The following IL5RA variants were observed in gnomAD, a reference collection of about 807,000 sequenced individuals.
The protein encoded by IL5RA is interleukin 5 receptor subunit alpha.
IL5RA carries 49 observed loss-of-function variants against 50.0 expected under a neutral mutation model. The ratio of observed to expected loss-of-function variants is 0.98; its 90% CI spans 0.78 to 1.24. IL5RA has a LOEUF of 1.24. IL5RA is among the 50% of genes most tolerant of loss of function. The probability of loss-of-function intolerance (pLI) is 0.00; values close to 1 mark genes in which losing one functional copy is unlikely to be tolerated. For missense variants in IL5RA, 600 were observed against 500.4 expected (o/e 1.20, Z -1.90); for synonymous variants, 202 against 174.0 (o/e 1.16, Z -1.26).
In IL5RA at chr3:3,068,817, C is replaced by T. The variant is rs1304432932; in HGVS notation, c.*1408G>A. 1 of 152,140 alleles carries T rather than the reference C, an allele frequency of 6.6e-6. No homozygotes were observed. Among genetic ancestry groups the T allele is most frequent in the East Asian group, 1.9e-4 (1 of 5,182 alleles). The allele number at this position is 152,140 out of a possible 1,614,324, so 9.4% of individuals were successfully genotyped here. A position where few individuals can be genotyped will look rare whatever the true frequency, so the allele number is the denominator to read the frequency against. On this transcript the variant is annotated 3_prime_UTR_variant, in exon 12 of 12. Coordinates refer to ENST00000446632, the MANE Select transcript of IL5RA (RefSeq NM_175726.4). ...TCACTATGCCATTTCCTATCAACTT[C>T]TCTGAACCTTAGTAACTGCAACTAT...
chr3:3,101,047 C>T (rs1019954116), intron 5 of IL5RA, among the ~76,000 whole-genome samples: 6 of 150,660 alleles, frequency 4.0e-5, no homozygotes, highest in African/African-American at 9.7e-5. Flanking sequence ...AGCATGGAGG[C>T]GCATGCCTAT....
At position 3,104,918 on chromosome 3, in the gene IL5RA, G is replaced by A; in HGVS notation, c.67C>T (p.Leu23Phe). The A allele has an allele frequency of 1.2e-6, 2 of 1,607,828 alleles. No homozygotes were observed. Among genetic ancestry groups the A allele is most frequent in the Non-Finnish European group, 8.5e-7 (1 of 1,174,462 alleles). ...AGGTCCTTACTCTTTTCATCAGGAA[G>A]TAAGTCAGCTTGCAGTATCTCAGTG... ...GATEILQADL[L>F]PDEKISLLPP... Residue 23 changes from leucine to phenylalanine, a missense_variant, in exon 3 of 12, where the codon CTT becomes TTT. Coordinates refer to ENST00000446632, the MANE Select transcript of IL5RA (RefSeq NM_175726.4).
intron 9 of IL5RA, among the ~76,000 whole-genome samples, chr3:3,086,598 T>A (rs368448889): frequency 1.3e-5 from 2 of 152,038 alleles, no homozygotes; most frequent in African/African-American, 4.8e-5. Context: ...CTCAGGAGGC[T>A]AAGGCAGGAG....
intron 9 of IL5RA, among the ~76,000 whole-genome samples, chr3:3,078,731 GGCTGAGGCAGGACAATT>G (rs1702567095): frequency 6.6e-6 from 1 of 152,058 alleles, no homozygotes; most frequent in Non-Finnish European, 1.5e-5. Flanking sequence ...CTACTCAGGA[GGCTGAGGCAGGACAATT>G]GCTTGAACCT....
chr3:3,072,200 G>A (rs998040281), intron 11 of IL5RA, among the ~76,000 whole-genome samples: 2 of 152,208 alleles, frequency 1.3e-5, no homozygotes, highest in African/African-American at 2.4e-5. Context: ...CTCTGCACTG[G>A]CTCTCATCCC....
At chr3:3,072,540 T>C (rs1702337904) in intron 11 of IL5RA, among the ~76,000 whole-genome samples, 1 of 152,200 alleles carries the variant, frequency 6.6e-6, no homozygotes, top group South Asian at 2.1e-4. Context: ...TTAAAGGAAA[T>C]CTTTTGGGGC....
rs759601061 is a variant in IL5RA at position 3,071,326 on chromosome 3, A to T, written c.1177-1015T>A. 5.9e-5 allele frequency among the ~76,000 whole-genome samples: 9 copies of T among 152,298 alleles called. No individual in the cohort carries two copies. In the South Asian group the frequency reaches 1.7e-3, roughly 28 times the overall value. On this transcript the variant is annotated intron_variant, in intron 11 of 11. Transcript: ENST00000446632. Reference sequence around the variant, plus strand: ...CAAGGAACAGCTGGAAACCAGTCTCATAAATTGAAAGCTCAGGCCAGGTGG... The same window carrying T: ...CAAGGAACAGCTGGAAACCAGTCTCTTAAATTGAAAGCTCAGGCCAGGTGG...
At chr3:3,071,355 G>A (rs1221468146) in intron 11 of IL5RA, among the ~76,000 whole-genome samples, 5 of 152,188 alleles carry the variant, frequency 3.3e-5, no homozygotes, top group Non-Finnish European at 5.9e-5. Context: ...CAGGTGGCGT[G>A]GCTCATGCCT....
intron 9 of IL5RA, chr3:3,090,260 G>A (rs769346575): frequency 6.3e-7 from 1 of 1,580,514 alleles, no homozygotes; most frequent in Non-Finnish European, 8.6e-7. Flanking sequence ...GAGAACCCTA[G>A]GAAACAGAGA....
intron 8 of IL5RA, among the ~76,000 whole-genome samples, chr3:3,093,799 C>G (rs1280497673): frequency 1.3e-5 from 2 of 152,212 alleles, no homozygotes; most frequent in African/African-American, 2.4e-5. Flanking sequence ...CAGAAACAGT[C>G]TTATTTCTCA....
chr3:3,097,084 G>A (rs1487161700), intron 7 of IL5RA, among the ~76,000 whole-genome samples: 1 of 152,134 alleles, frequency 6.6e-6, no homozygotes, highest in Non-Finnish European at 1.5e-5. Context: ...ATTGAAATCT[G>A]GAATCTCCAT....
At chr3:3,098,797 C>T (rs1045933964) in intron 5 of IL5RA, among the ~76,000 whole-genome samples, 7 of 152,138 alleles carry the variant, frequency 4.6e-5, no homozygotes, top group Admixed American at 6.5e-5. Context: ...TTCTGATATT[C>T]GAGAGCTTCC....
intron 9 of IL5RA, among the ~76,000 whole-genome samples, chr3:3,087,345 C>T (rs915265927): frequency 6.6e-5 from 10 of 152,278 alleles, no homozygotes; most frequent in African/African-American, 2.2e-4. Flanking sequence ...CCTGCTGTCC[C>T]CTGTGCTCCT....
chr3:3,102,860 C>A, intron 3 of IL5RA, 40 bp from the exon 4 acceptor site: 1 of 1,568,020 alleles, frequency 6.4e-7, no homozygotes, highest in Non-Finnish European at 8.7e-7. Flanking sequence ...CAATGTTCAA[C>A]TGGACATAGG....
Position 3,101,760 on chromosome 3 carries a change from G to C in IL5RA, c.299C>G (p.Thr100Ser). The C allele has an allele frequency of 6.2e-7, 1 of 1,614,060 alleles. No individual in the cohort carries two copies. The highest frequency in any genetic ancestry group is 8.5e-7 in the Non-Finnish European group (1 of 1,179,950). Residue 100 changes from threonine to serine, a missense_variant, in exon 5 of 12, where the codon ACC becomes AGC. Thr to Ser is a moderately conservative substitution (Grantham distance 58). Transcript: ENST00000446632. Reference protein sequence around the residue: ...LHKGFSASVRTILQNDHSLLA... With the variant: ...LHKGFSASVRSILQNDHSLLA... ...TAGTGAGTGGTCGTTCTGCAGGATG[G>C]TCCGCACACTTGCTGAAAAGCCTTT...
intron 5 of IL5RA, among the ~76,000 whole-genome samples, chr3:3,100,175 AGTG>A (rs10576420): frequency 0.42 from 63,167 of 151,726 alleles, 13,738 homozygotes; most frequent in South Asian, 0.57. Flanking sequence ...ACCGCATTCA[AGTG>A]GGAGCCTTGA....
intron 9 of IL5RA, among the ~76,000 whole-genome samples, chr3:3,087,341 GT>G (rs1344384297): frequency 1.3e-5 from 2 of 152,150 alleles, no homozygotes; most frequent in African/African-American, 4.8e-5. Context: ...CCTCCCTGCT[GT>G]CCCCTGTGCT....
chr3:3,086,303 A>C (rs1702860384), intron 9 of IL5RA, among the ~76,000 whole-genome samples: 1 of 152,204 alleles, frequency 6.6e-6, no homozygotes, highest in Admixed American at 6.5e-5. Flanking sequence ...GATGGCGGGA[A>C]GAAGAGAAGA....
intron 8 of IL5RA, among the ~76,000 whole-genome samples, chr3:3,094,512 T>C (rs961477497): frequency 6.6e-6 from 1 of 152,202 alleles, no homozygotes; most frequent in Non-Finnish European, 1.5e-5. Flanking sequence ...ATTCATTTAA[T>C]GGGCACTTGG....
Sources: allele counts gnomAD v4.1 joint callset (sites outside exome capture counted in the v4.1 genomes callset), GRCh38; gene constraint gnomAD v4.1.1; transcripts MANE v1.5; gene names NCBI Gene and HGNC (gene_info 2026-07-23, HGNC 2026-07-21).